ERCC1: variants seen among roughly 807,000 people sequenced by gnomAD.
ERCC1 encodes ERCC excision repair 1, endonuclease non-catalytic subunit.
A neutral mutation model predicts 37.6 loss-of-function variants in ERCC1; 36 were observed. The ratio of observed to expected loss-of-function variants is 0.96; its 90% CI spans 0.73 to 1.26. ERCC1 has a LOEUF of 1.26. Ranked by LOEUF, ERCC1 falls within the 50% of genes most tolerant of loss-of-function variation. The pLI, the probability that ERCC1 is intolerant of heterozygous loss-of-function variation, is 0.00. For synonymous variants in ERCC1, 156 were observed against 162.1 expected, an observed-to-expected ratio of 0.96 and a Z score of 0.28; for missense variants, 349 against 376.5, an observed-to-expected ratio of 0.93 and a Z score of 0.60.
intron 9 of ERCC1, among the ~76,000 whole-genome samples, chr19:45,411,474 TTTGTTATTGCCTGTC>T (rs1599805367): frequency 2.5e-5 from 2 of 81,252 alleles, no homozygotes; most frequent in East Asian, 1.3e-3. Flanking sequence ...CTGTCCACCA[TTTGTTATTGCCTGTC>T]CTTTGGATAA....
chr19:45,408,071 A>AC lies in ERCC1; in HGVS notation c.*1603_*1604insG. ...TCTCTCAAAAAAAAACAAAAAAAAA[A>AC]TCAAAAAACCTTCCCTCTCCTGTTC... On this transcript the variant is annotated 3_prime_UTR_variant, in exon 10 of 10. Coordinates refer to ENST00000300853, the MANE Select transcript of ERCC1 (RefSeq NM_001983.4). The AC allele has an allele frequency of 1.1e-5, 17 of 1,488,698 alleles. No individual in the cohort carries two copies. The highest frequency in any genetic ancestry group is 1.2e-5 in the Non-Finnish European group (14 of 1,120,452). 92.2% of individuals were successfully genotyped at this position (1,488,698 alleles called of 1,614,324 possible).
At chr19:45,421,104 G>A (rs3212948) in intron 3 of ERCC1, 74 bp downstream of exon 3, 7 of 1,247,600 alleles carry the variant, frequency 5.6e-6, no homozygotes, top group Non-Finnish European at 8.2e-6. Flanking sequence ...AGACCTCCTT[G>A]CACTGGAGTC....
At chr19:45,437,067 T>A (rs976797764) in intron 1 of ERCC1, among the ~76,000 whole-genome samples, 1 of 152,166 alleles carries the variant, frequency 6.6e-6, no homozygotes. Context: ...CTGACCAACA[T>A]GGTGAAACCC....
intron 6 of ERCC1, among the ~76,000 whole-genome samples, chr19:45,415,168 T>C (rs1426514410): frequency 1.3e-5 from 2 of 151,522 alleles, no homozygotes; most frequent in South Asian, 2.1e-4. Context: ...ACCTCGTTTC[T>C]ACTAAAAATA....
chr19:45,442,305 G>A (rs1216267621), intron 1 of ERCC1, among the ~76,000 whole-genome samples: 11 of 141,642 alleles, frequency 7.8e-5, no homozygotes, highest in Non-Finnish European at 1.7e-4. Context: ...GGGCAACAGA[G>A]ACCCTGTCTC....
intron 1 of ERCC1, among the ~76,000 whole-genome samples, chr19:45,432,778 G>C (rs115142372): frequency 1.3e-5 from 2 of 152,198 alleles, no homozygotes; most frequent in African/African-American, 4.8e-5. Flanking sequence ...AATTAGGAGT[G>C]TAAGGGGGCC....
chr19:45,430,638 C>A (rs1482026840), intron 1 of ERCC1, among the ~76,000 whole-genome samples: 5 of 152,088 alleles, frequency 3.3e-5, no homozygotes, highest in Non-Finnish European at 7.4e-5. Flanking sequence ...ATAAGCGGGG[C>A]GCGGTGGCTC....
intron 8 of ERCC1, 76 bp from the exon 9 acceptor site, chr19:45,413,821 A>AT: frequency 6.2e-7 from 1 of 1,601,300 alleles, no homozygotes; most frequent in Non-Finnish European, 8.5e-7. Context: ...GGGGCCTCAG[A>AT]TATTCCCCAG....
chr19:45,437,196 C>A (rs1477556623), intron 1 of ERCC1, among the ~76,000 whole-genome samples: 3 of 152,080 alleles, frequency 2.0e-5, no homozygotes, highest in African/African-American at 7.2e-5. Flanking sequence ...TTGCAGTGAG[C>A]CTTGATCACG....
chr19:45,438,416 T>C (rs1975037159), intron 1 of ERCC1, among the ~76,000 whole-genome samples: 1 of 152,082 alleles, frequency 6.6e-6, no homozygotes, highest in African/African-American at 2.4e-5. Flanking sequence ...AGAAGTGGGA[T>C]TGCTGGATCC....
At chr19:45,417,045 C>T (rs1974110142) in intron 5 of ERCC1, 148 bp from the exon 6 acceptor site, 1 of 679,676 alleles carries the variant, frequency 1.5e-6, no homozygotes, top group Non-Finnish European at 2.7e-6. Flanking sequence ...TGCAGTGAGC[C>T]AAGATCGCGC....
At chr19:45,417,026 G>A in intron 5 of ERCC1, 129 bp from the exon 6 acceptor site, 2 of 712,836 alleles carry the variant, frequency 2.8e-6, no homozygotes, top group South Asian at 1.5e-5. Context: ...GAACCCGGGA[G>A]GCAGACGTTG....
Position 45,408,081 on chromosome 19 carries a change from C to G in ERCC1, c.*1594G>C. On this transcript the variant is annotated 3_prime_UTR_variant, in exon 10 of 10. Coordinates refer to ENST00000300853, the MANE Select transcript of ERCC1 (RefSeq NM_001983.4). ...AAAAACAAAAAAAAAATCAAAAAAC[C>G]TTCCCTCTCCTGTTCCACTTAAGCC... 1.3e-6 allele frequency: 2 copies of G among 1,512,260 alleles called. No individual in the cohort carries two copies. The highest frequency in any genetic ancestry group is 1.8e-6 in the Non-Finnish European group (2 of 1,131,638). The allele number at this position is 1,512,260 out of a possible 1,614,324, so 93.7% of individuals were successfully genotyped here.
chr19:45,419,209 A>C lies in ERCC1; in HGVS notation c.426-12T>G, dbSNP rs540226373. On this transcript the variant is annotated splice_polypyrimidine_tract_variant and intron_variant, in intron 4 of 9. Transcript: ENST00000300853. ...TGTGGTAGCGGAGGCTGGTGGGGGC[A>C]GGGAGCGGGAGTTGAGAGGTCTCAG... The C allele has an allele frequency of 3.9e-5, 61 of 1,567,016 alleles. 1 individual carries two copies. In the East Asian group the frequency reaches 1.3e-3, roughly 33 times the overall value.
At chr19:45,426,449 G>A (rs1053116462), upstream of ERCC1, among the ~76,000 whole-genome samples, 7 of 151,226 alleles carry the variant, frequency 4.6e-5, no homozygotes, top group Non-Finnish European at 1.0e-4. Context: ...TACTCAGGAG[G>A]CTGAGGCAGG....
chr19:45,415,571 G>A (rs1974011730), intron 6 of ERCC1, among the ~76,000 whole-genome samples: 1 of 137,606 alleles, frequency 7.3e-6, no homozygotes, highest in Non-Finnish European at 1.5e-5. Flanking sequence ...GGGAGGTGGA[G>A]TTTGCAATGA....
chr19:45,409,258 A>G lies in ERCC1; in HGVS notation c.*417T>C, dbSNP rs1973538379. On this transcript the variant is annotated 3_prime_UTR_variant, in exon 10 of 10. Transcript: ENST00000300853. ...AGAAGAAGAAGAAGAAGAAAGAGAGAGGTCACACAGTGACTGAGCCAATTC... is the reference window on the plus strand; with the variant it reads ...AGAAGAAGAAGAAGAAGAAAGAGAGGGGTCACACAGTGACTGAGCCAATTC... The G allele has an allele frequency of 1.2e-6, 2 of 1,613,730 alleles. No homozygotes were observed. Among genetic ancestry groups the G allele is most frequent in the East Asian group, 4.5e-5 (2 of 44,866 alleles).
Position 45,408,923 on chromosome 19 carries a change from G to A in ERCC1, c.*752C>T, listed in dbSNP as rs143443617. ...GCCACAGGTGAAGGTGGAGCCACTG[G>A]AGGAAGCCATCCCTCTGCCCCCTAC... On this transcript the variant is annotated 3_prime_UTR_variant, in exon 10 of 10. Coordinates refer to ENST00000300853, the MANE Select transcript of ERCC1 (RefSeq NM_001983.4). 1.6e-3 allele frequency: 2,540 copies of A among 1,614,130 alleles called. 5 individuals carry two copies. The highest frequency in any genetic ancestry group is 1.7e-3 in the Non-Finnish European group (2,061 of 1,180,016).
At chr19:45,432,759 G>A (rs1974866521) in intron 1 of ERCC1, among the ~76,000 whole-genome samples, 1 of 152,156 alleles carries the variant, frequency 6.6e-6, no homozygotes, top group Non-Finnish European at 1.5e-5. Context: ...CCAGGCAGAG[G>A]CCTTCAATAA....
Sources: allele counts gnomAD v4.1 joint callset (sites outside exome capture counted in the v4.1 genomes callset), GRCh38; gene constraint gnomAD v4.1.1; transcripts MANE v1.5; gene names NCBI Gene and HGNC (gene_info 2026-07-23, HGNC 2026-07-21).